The following SLC12A2 variants were observed in gnomAD, a reference collection of about 807,000 sequenced individuals.
The protein encoded by SLC12A2 is Na-K-2Cl cotransporter 1.
SLC12A2 carries 67 observed loss-of-function variants against 136.3 expected under a neutral mutation model. The observed-to-expected ratio is 0.49, with a 90% CI of 0.40 to 0.60. SLC12A2 has a LOEUF of 0.60. Ranked by LOEUF, SLC12A2 falls within the 20% of genes least tolerant of loss-of-function variation. SLC12A2 has a pLI of 0.00. For synonymous variants in SLC12A2, 619 were observed against 562.9 expected (o/e 1.10, Z -1.41); for missense variants, 1,322 against 1,534.7 (o/e 0.86, Z 2.32).
In SLC12A2 at chr5:128,134,139, ATTATAT is replaced by A; in HGVS notation, c.1189-21_1189-16del. 1 of 1,204,460 alleles carries A rather than the reference ATTATAT, an allele frequency of 8.3e-7. No individual in the cohort carries two copies. Among genetic ancestry groups the A allele is most frequent in the Non-Finnish European group, 1.2e-6 (1 of 812,046 alleles). 74.6% of individuals were successfully genotyped at this position (1,204,460 alleles called of 1,614,324 possible). On this transcript the variant is annotated intron_variant, in intron 5 of 26. Coordinates refer to ENST00000262461, the MANE Select transcript of SLC12A2 (RefSeq NM_001046.3). ...TGTATAAAAATAACTAGTATTGCTT[ATTATAT>A]TTATGATTCCTTTTTCTAGGAACAT...
At chr5:128,139,298 ATTCT>A (rs1762283653) in intron 9 of SLC12A2, among the ~76,000 whole-genome samples, 1 of 151,722 alleles carries the variant, frequency 6.6e-6, no homozygotes, top group African/African-American at 2.4e-5. Context: ...GTATATGAAG[ATTCT>A]TTCAAGGCTA....
intron 14 of SLC12A2, among the ~76,000 whole-genome samples, chr5:128,151,736 T>C (rs1762709623): frequency 6.6e-6 from 1 of 152,138 alleles, no homozygotes; most frequent in African/African-American, 2.4e-5. Context: ...AAGGATCCAG[T>C]TACAGTACTG....
chr5:128,142,909 G>T (rs573721287), intron 10 of SLC12A2, among the ~76,000 whole-genome samples: 1 of 152,136 alleles, frequency 6.6e-6, no homozygotes, highest in Admixed American at 6.5e-5. Context: ...GGTACATGTG[G>T]TTTCTGGTTA....
chr5:128,171,767 G>T (rs749498514), intron 19 of SLC12A2, 21 bp downstream of exon 19: 2 of 1,423,580 alleles, frequency 1.4e-6, no homozygotes, highest in African/African-American at 1.5e-5. Context: ...TTGGCAATAA[G>T]TTTTTTATTT....
intron 13 of SLC12A2, among the ~76,000 whole-genome samples, chr5:128,150,420 T>C (rs2126722023): frequency 6.6e-6 from 1 of 151,906 alleles, no homozygotes; most frequent in South Asian, 2.1e-4. Flanking sequence ...TATGATATAG[T>C]TTACCTGTAA....
In SLC12A2 at chr5:128,184,470, C is replaced by T; in HGVS notation, c.3404C>T (p.Thr1135Ile). Reference sequence around the variant, plus strand: ...AAAGAAGATGAACCATGGCGAATAACAGATAATGAGCTTGAACTTTATAAG... The same window carrying T: ...AAAGAAGATGAACCATGGCGAATAATAGATAATGAGCTTGAACTTTATAAG... ...KMKEDEPWRI[T>I]DNELELYKTK... The change falls in exon 25 of 27, where the codon ACA becomes ATA. Residue 1135 changes from threonine (T) to isoleucine (I), a missense_variant. By Grantham distance (89) the Thr-to-Ile change is moderately conservative. Coordinates refer to ENST00000262461, the MANE Select transcript of SLC12A2 (RefSeq NM_001046.3). 6.2e-7 allele frequency: 1 copy of T among 1,606,566 alleles called. No homozygotes were observed. The highest frequency in any genetic ancestry group is 8.5e-7 in the Non-Finnish European group (1 of 1,176,792).
chr5:128,167,886 C>A lies in SLC12A2; in HGVS notation c.2723+19C>A. 1.5e-6 allele frequency: 2 copies of A among 1,367,126 alleles called. No individual in the cohort carries two copies. Among genetic ancestry groups the A allele is most frequent in the African/African-American group, 1.5e-5 (1 of 67,706 alleles). The allele number at this position is 1,367,126 out of a possible 1,614,324, so 84.7% of individuals were successfully genotyped here. ...TATTTCAGTAAGTATCTTTTTAATT[C>A]AATAATTTAGTTCATTTAGAAAATG... On this transcript the variant is annotated intron_variant, in intron 18 of 26. Coordinates refer to ENST00000262461, the MANE Select transcript of SLC12A2 (RefSeq NM_001046.3).
At chr5:128,180,011 C>CCAG (rs140901610) in intron 22 of SLC12A2, among the ~76,000 whole-genome samples, 2,778 of 117,834 alleles carry the variant, frequency 0.024, 56 homozygotes, top group Admixed American at 0.045. Context: ...TTTCTGCCAC[C>CCAG]CAGGCTGGAG....
chr5:128,181,945 C>G (rs376261092), intron 23 of SLC12A2, among the ~76,000 whole-genome samples: 9 of 146,588 alleles, frequency 6.1e-5, no homozygotes, highest in African/African-American at 2.0e-4. Flanking sequence ...ACTTACCCCC[C>G]CATCTAGTTG....
chr5:128,141,808 C>A (rs768451617), intron 9 of SLC12A2, 22 bp from the exon 10 acceptor site: 1 of 1,601,112 alleles, frequency 6.2e-7, no homozygotes, highest in South Asian at 1.1e-5. Flanking sequence ...CTATATTATT[C>A]TTGTTGTCAC....
At chr5:128,173,918 T>C (rs142075950) in intron 19 of SLC12A2, among the ~76,000 whole-genome samples, 1 of 152,304 alleles carries the variant, frequency 6.6e-6, no homozygotes, top group East Asian at 1.9e-4. Flanking sequence ...AATGGTACTT[T>C]CACCATGAAC....
At chr5:128,137,820 A>G (rs79649227) in intron 7 of SLC12A2, among the ~76,000 whole-genome samples, 1 of 152,190 alleles carries the variant, frequency 6.6e-6, no homozygotes, top group African/African-American at 2.4e-5. Context: ...AGCCTCAAAA[A>G]TCAATAGGTG....
intron 1 of SLC12A2, among the ~76,000 whole-genome samples, chr5:128,094,784 A>G (rs993546410): frequency 2.0e-5 from 3 of 152,114 alleles, no homozygotes; most frequent in African/African-American, 7.2e-5. Flanking sequence ...TAAATGTAAT[A>G]TGGGTTGTAC....
intron 7 of SLC12A2, 128 bp from the exon 8 acceptor site, chr5:128,138,469 T>C (rs1262911478): frequency 1.0e-5 from 8 of 773,188 alleles, no homozygotes; most frequent in East Asian, 5.2e-5. Flanking sequence ...CTGGGAAATA[T>C]GCAAAAATTT....
chr5:128,170,443 A>G (rs1763337865), intron 18 of SLC12A2: 2 of 152,204 alleles, frequency 1.3e-5, no homozygotes, highest in African/African-American at 4.8e-5. Flanking sequence ...TTATAACCAT[A>G]TATTATATCC....
At chr5:128,169,205 G>A (rs888413753) in intron 18 of SLC12A2, 3 of 150,844 alleles carry the variant, frequency 2.0e-5, no homozygotes, top group African/African-American at 7.4e-5. Flanking sequence ...AAATAGAACT[G>A]TCTGCTTCCT....
At chr5:128,169,700 C>T (rs967103806) in intron 18 of SLC12A2, 1 of 152,054 alleles carries the variant, frequency 6.6e-6, no homozygotes, top group Non-Finnish European at 1.5e-5. Context: ...CCATGAAACC[C>T]TATGCTTTTT....
At chr5:128,172,714 A>G (rs774063381) in intron 19 of SLC12A2, among the ~76,000 whole-genome samples, 7 of 152,226 alleles carry the variant, frequency 4.6e-5, no homozygotes, top group Non-Finnish European at 8.8e-5. Flanking sequence ...TAATCCCAGC[A>G]TGCTGGGAGG....
intron 1 of SLC12A2, chr5:128,110,410 G>C (rs1761099258): frequency 1.9e-6 from 2 of 1,041,542 alleles, no homozygotes; most frequent in Non-Finnish European, 3.0e-6. Context: ...GCTGTCTTGA[G>C]AGGGCAAGAC....
Sources: allele counts gnomAD v4.1 joint callset (sites outside exome capture counted in the v4.1 genomes callset), GRCh38; gene constraint gnomAD v4.1.1; transcripts MANE v1.5; gene names NCBI Gene and HGNC (gene_info 2026-07-23, HGNC 2026-07-21).